Variants in KIZ observed in about 807,000 individuals in gnomAD.
KIZ encodes the protein centrosomal protein kizuna.
KIZ carries 68 observed loss-of-function variants against 79.6 expected under a neutral mutation model. That is an observed-to-expected ratio of 0.85 (90% confidence interval 0.70 to 1.05). KIZ has a LOEUF of 1.05. KIZ is among the 50% of genes least tolerant of loss of function. KIZ has a pLI of 0.00. For synonymous variants in KIZ, 280 were observed against 281.8 expected (o/e 0.99, Z 0.06); for missense variants, 797 against 800.4 (o/e 1.00, Z 0.05).
chr20:21,176,358 G>A (rs536861793), intron 6 of KIZ, among the ~76,000 whole-genome samples: 9 of 152,112 alleles, frequency 5.9e-5, no homozygotes, highest in Admixed American at 5.9e-4. Context: ...GAAGACAAGG[G>A]AAGGAGACAA....
chr20:21,136,610 T>C (rs1051038231), intron 3 of KIZ, 58 bp downstream of exon 3: 4 of 1,315,474 alleles, frequency 3.0e-6, no homozygotes, highest in African/African-American at 3.0e-5. Context: ...TTTTTTTTTT[T>C]TTCTTCAAGA....
At chr20:21,209,644 G>T (rs1283435096) in intron 7 of KIZ, among the ~76,000 whole-genome samples, 1 of 152,242 alleles carries the variant, frequency 6.6e-6, no homozygotes, top group East Asian at 1.9e-4. Context: ...AAGTGTTGAT[G>T]CTTGCATTTC....
chr20:21,170,112 G>A (rs1052492155), intron 6 of KIZ, among the ~76,000 whole-genome samples: 2 of 152,066 alleles, frequency 1.3e-5, no homozygotes, highest in African/African-American at 4.8e-5. Context: ...TCATGTGTAA[G>A]TCTGTTTTTG....
intron 6 of KIZ, among the ~76,000 whole-genome samples, chr20:21,189,884 A>C (rs1447822142): frequency 4.6e-5 from 7 of 152,022 alleles, no homozygotes; most frequent in African/African-American, 1.7e-4. Context: ...CCTTTTTGGC[A>C]TTGTGCTCCC....
intron 6 of KIZ, among the ~76,000 whole-genome samples, chr20:21,167,183 A>G (rs1309438319): frequency 6.6e-6 from 1 of 152,248 alleles, no homozygotes; most frequent in Non-Finnish European, 1.5e-5. Flanking sequence ...TCTCATGGGA[A>G]CTATGAAATC....
chr20:21,246,283 G>A, intron 12 of KIZ, 196 bp from the exon 13 acceptor site: 2 of 590,500 alleles, frequency 3.4e-6, no homozygotes, highest in Non-Finnish European at 6.0e-6. Flanking sequence ...CAGTGCAGAG[G>A]ACACACTTTG....
At chr20:21,136,184 A>G (rs1471106041) in intron 2 of KIZ, among the ~76,000 whole-genome samples, 1 of 152,124 alleles carries the variant, frequency 6.6e-6, no homozygotes, top group Non-Finnish European at 1.5e-5. Context: ...TTATGCTTAG[A>G]GGAAACCGAT....
intron 6 of KIZ, chr20:21,197,364 AAT>A (rs2035384898): frequency 6.6e-6 from 1 of 152,254 alleles, no homozygotes; most frequent in Admixed American, 6.5e-5. Context: ...ATGGAAAACT[AAT>A]AGTCATTTTT....
chr20:21,135,455 G>T (rs895322408), intron 2 of KIZ, among the ~76,000 whole-genome samples: 1 of 152,184 alleles, frequency 6.6e-6, no homozygotes, highest in Admixed American at 6.5e-5. Flanking sequence ...TGGTCAAAGC[G>T]CAGAATTATT....
rs374998163 is a variant in KIZ, at chr20:21,166,587, T to C, written c.1352+3428T>C. ...TTGAGAGCATCTGCCAGGACATTCA[T>C]GCGCACCATTGTGGCGGTGCGGAAA... On this transcript the variant is annotated intron_variant, in intron 6 of 12. Coordinates refer to ENST00000619189, the MANE Select transcript of KIZ (RefSeq NM_018474.6). 5.2e-6 allele frequency: 7 copies of C among 1,345,112 alleles called. 1 individual carries two copies. Among genetic ancestry groups the C allele is most frequent in the South Asian group, 2.3e-5 (2 of 85,566 alleles). The allele number at this position is 1,345,112 out of a possible 1,614,324, so 83.3% of individuals were successfully genotyped here.
At chr20:21,129,879 A>G (rs2031729962) in intron 1 of KIZ, among the ~76,000 whole-genome samples, 1 of 152,174 alleles carries the variant, frequency 6.6e-6, no homozygotes, top group African/African-American at 2.4e-5. Flanking sequence ...TTTGACACTG[A>G]GATATCAGTT....
At chr20:21,199,623 C>T (rs2035505174) in intron 6 of KIZ, among the ~76,000 whole-genome samples, 1 of 152,176 alleles carries the variant, frequency 6.6e-6, no homozygotes. Context: ...TGCCCCGCTG[C>T]CCTCCTTGCT....
chr20:21,223,028 T>C (rs924935887), intron 9 of KIZ, among the ~76,000 whole-genome samples: 21 of 152,338 alleles, frequency 1.4e-4, no homozygotes, highest in African/African-American at 5.1e-4. Context: ...TTCCTGAACC[T>C]ACTATAAATA....
rs775918879 is a variant in KIZ at position 21,178,303 on chromosome 20, A to C, written c.1352+15144A>C. 1.5e-4 allele frequency among the ~76,000 whole-genome samples: 23 copies of C among 151,880 alleles called. 1 individual carries two copies. The highest frequency in any genetic ancestry group is 1.5e-3 in the Admixed American group (23 of 15,240). On this transcript the variant is annotated intron_variant, in intron 6 of 12. Transcript: ENST00000619189. Reference sequence around the variant, plus strand: ...TGGAAGTCTTGTACCTCCTTAATTAAGTTTATTTCTAAGTATTTTATTCTT... The same window carrying C: ...TGGAAGTCTTGTACCTCCTTAATTACGTTTATTTCTAAGTATTTTATTCTT...
chr20:21,140,987 C>T (rs991019243), intron 3 of KIZ, among the ~76,000 whole-genome samples: 4 of 151,926 alleles, frequency 2.6e-5, no homozygotes, highest in African/African-American at 9.7e-5. Flanking sequence ...GCCCTGGCGA[C>T]AGAGCAAGAC....
chr20:21,206,252 T>C (rs1360314030), intron 7 of KIZ, among the ~76,000 whole-genome samples: 1 of 152,156 alleles, frequency 6.6e-6, no homozygotes, highest in African/African-American at 2.4e-5. Context: ...TCAGCCCAGA[T>C]CCGTTGGAGG....
intron 6 of KIZ, chr20:21,166,711 G>C: frequency 4.8e-6 from 3 of 619,116 alleles, no homozygotes. Context: ...GCCTGCCTCA[G>C]CTTCCCAAAG....
intron 6 of KIZ, among the ~76,000 whole-genome samples, chr20:21,204,596 T>C (rs551476190): frequency 6.7e-4 from 102 of 152,202 alleles, no homozygotes; most frequent in Middle Eastern, 3.4e-3. Flanking sequence ...TCCTAAGATA[T>C]CCCCTCCCCA....
At chr20:21,198,490 T>G (rs1184303934) in intron 6 of KIZ, 1 of 152,556 alleles carries the variant, frequency 6.6e-6, no homozygotes, top group Non-Finnish European at 1.5e-5. Context: ...GCTGAGTGAG[T>G]GAGTGAGTGG....
Sources: gnomAD v4.1 joint callset for allele counts (sites outside exome capture counted in the v4.1 genomes callset) on GRCh38, gnomAD v4.1.1 for gene constraint, MANE v1.5 for transcripts, NCBI Gene and HGNC (gene_info 2026-07-23, HGNC 2026-07-21) for gene names.